Variants in FBN1 observed in about 807,000 individuals in gnomAD.
The protein encoded by FBN1 is fibrillin-1.
A neutral mutation model predicts 365.1 loss-of-function variants in FBN1; 29 were observed. The observed-to-expected ratio is 0.08, with a 90% confidence interval of 0.06 to 0.11. The LOEUF is 0.11. Among genes scored for constraint, FBN1 ranks in the 10% least tolerant of loss-of-function variants. The pLI is 1.00. For missense variants in FBN1, 2,476 were observed against 3,703.2 expected, an observed-to-expected ratio of 0.67 and a Z score of 8.60; for synonymous variants, 1,210 against 1,270.5, an observed-to-expected ratio of 0.95 and a Z score of 1.01.
chr15:48,575,768 C>T (rs931639760), intron 6 of FBN1, among the ~76,000 whole-genome samples: 21 of 150,252 alleles, frequency 1.4e-4, no homozygotes, highest in Non-Finnish European at 2.5e-4. Flanking sequence ...CATAAGGATT[C>T]ATCAATGGAG....
intron 65 of FBN1, among the ~76,000 whole-genome samples, chr15:48,412,143 T>C (rs2042868391): frequency 6.6e-6 from 1 of 152,216 alleles, no homozygotes; most frequent in South Asian, 2.1e-4. Flanking sequence ...CACGTTATTT[T>C]TGTCTACAAT....
intron 4 of FBN1, among the ~76,000 whole-genome samples, chr15:48,608,402 A>G (rs1210247572): frequency 6.6e-6 from 1 of 152,240 alleles, no homozygotes. Flanking sequence ...TCCTTCTATT[A>G]GCAGGAAAGT....
chr15:48,497,534 C>CT, intron 18 of FBN1, 143 bp from the exon 19 acceptor site: 1 of 762,576 alleles, frequency 1.3e-6, no homozygotes, highest in East Asian at 2.7e-5. Context: ...AGAGAACACT[C>CT]TGTCTCTTTT....
intron 1 of FBN1, among the ~76,000 whole-genome samples, chr15:48,645,374 C>G (rs1475638634): frequency 1.3e-5 from 2 of 152,238 alleles, no homozygotes; most frequent in Non-Finnish European, 2.9e-5. Context: ...GAACATCTGA[C>G]GCGGAGCCCG....
chr15:48,511,290 C>CT (rs1348033484), intron 13 of FBN1, among the ~76,000 whole-genome samples: 1 of 152,094 alleles, frequency 6.6e-6, no homozygotes, highest in African/African-American at 2.4e-5. Flanking sequence ...GCAGTCTGGG[C>CT]TTTTCTTCTG....
chr15:48,603,424 G>T (rs1224794991), intron 4 of FBN1, among the ~76,000 whole-genome samples: 3 of 152,186 alleles, frequency 2.0e-5, no homozygotes, highest in Non-Finnish European at 4.4e-5. Context: ...TTCCGATAAA[G>T]GTGGGAGCAG....
intron 35 of FBN1, among the ~76,000 whole-genome samples, chr15:48,471,650 C>T (rs1457830745): frequency 6.6e-6 from 1 of 152,160 alleles, no homozygotes; most frequent in Admixed American, 6.5e-5. Context: ...CATAAAAATA[C>T]ATGAGGGAAT....
At chr15:48,507,803 G>A (rs1169577487) in intron 15 of FBN1, among the ~76,000 whole-genome samples, 2 of 152,118 alleles carry the variant, frequency 1.3e-5, no homozygotes, top group Admixed American at 1.3e-4. Context: ...CTTTGAGTAT[G>A]AGGTTCTTTA....
chr15:48,535,939 T>C (rs1177023643), intron 7 of FBN1, among the ~76,000 whole-genome samples: 1 of 152,212 alleles, frequency 6.6e-6, no homozygotes, highest in Non-Finnish European at 1.5e-5. Flanking sequence ...TGATCATGAT[T>C]TCTGGCCAAC....
Position 48,520,670 on chromosome 15 carries a change from A to C in FBN1, c.1136T>G (p.Ile379Ser), listed in dbSNP as rs1487878928. ...GGAAGGGCTCTTACCGGTTGCTCTG[A>C]TGGGACACATCTCAGGGGCGACAGT... ...GVTVAPEMCP[I>S]RATEDFNKLC... is the part of the protein sequence containing the mutation. Residue 379 changes from isoleucine (I) to serine (S), a missense_variant, in exon 10 of 66, where the codon ATC becomes AGC. Physicochemically the swap from Ile to Ser is moderately radical, Grantham distance 142. Coordinates refer to ENST00000316623, the MANE Select transcript of FBN1 (RefSeq NM_000138.5). The C allele has an allele frequency of 6.2e-7, 1 of 1,613,972 alleles. No individual in the cohort carries two copies. The highest frequency in any genetic ancestry group is 8.5e-7 in the Non-Finnish European group (1 of 1,180,020).
intron 6 of FBN1, among the ~76,000 whole-genome samples, chr15:48,558,369 G>T (rs1300200263): frequency 6.6e-6 from 1 of 152,156 alleles, no homozygotes; most frequent in African/African-American, 2.4e-5. Flanking sequence ...AGGAGAGAGG[G>T]TTTAAATTAT....
Position 48,421,605 on chromosome 15 carries a change from T to G in FBN1, c.7652A>C (p.Glu2551Ala), listed in dbSNP as rs1479746316. ...CQNTPGSFTC[E>A]CQRGFSLDQT... Reference sequence around the variant, plus strand: ...ATCAAGTGAGAATCCCCGCTGGCATTCACAGGTGAAGCTTCCAGGAGTGTT... The same window carrying G: ...ATCAAGTGAGAATCCCCGCTGGCATGCACAGGTGAAGCTTCCAGGAGTGTT... The change falls in exon 62 of 66, where the codon GAA becomes GCA. Residue 2551 changes from glutamate to alanine, a missense_variant. By Grantham distance (107) the Glu-to-Ala change is moderately radical. Around this residue, in one of 5 missense-constraint regions of FBN1, gnomAD observed 1,780 missense variants for 2,840.8 expected, o/e 0.63. Transcript: ENST00000316623. The G allele has an allele frequency of 6.2e-7, 1 of 1,613,888 alleles. No homozygotes were observed. The highest frequency in any genetic ancestry group is 1.1e-5 in the South Asian group (1 of 90,946).
At chr15:48,571,882 T>C (rs1566929537) in intron 6 of FBN1, among the ~76,000 whole-genome samples, 1 of 152,080 alleles carries the variant, frequency 6.6e-6, no homozygotes, top group Non-Finnish European at 1.5e-5. Context: ...AAACACAGGG[T>C]TATATAGTAT....
At chr15:48,503,664 C>T in intron 17 of FBN1, 123 bp downstream of exon 17, 1 of 1,303,806 alleles carries the variant, frequency 7.7e-7, no homozygotes. Flanking sequence ...GCCAAGACCC[C>T]AAGAAGGCAC....
At chr15:48,640,175 G>A (rs1249622274) in intron 2 of FBN1, among the ~76,000 whole-genome samples, 1 of 151,980 alleles carries the variant, frequency 6.6e-6, no homozygotes, top group Non-Finnish European at 1.5e-5. Flanking sequence ...TAATTAATTT[G>A]TATTACCAAC....
At chr15:48,545,160 C>T in intron 6 of FBN1, among the ~76,000 whole-genome samples, 1 of 152,174 alleles carries the variant, frequency 6.6e-6, no homozygotes. Context: ...AAAATATTCT[C>T]TCCAATCCAA....
rs192921367 is a variant in FBN1 at position 48,558,137 on chromosome 15, T to G, written c.539-20329A>C. On this transcript the variant is annotated intron_variant, in intron 6 of 65. Transcript: ENST00000316623. Reference sequence around the variant, plus strand: ...CCCTATTTGAGGTCTCCTTGTTCCATATAAACTGTTAAATCTTTGATCCTA... The same window carrying G: ...CCCTATTTGAGGTCTCCTTGTTCCAGATAAACTGTTAAATCTTTGATCCTA... 2.0e-5 allele frequency among the ~76,000 whole-genome samples: 3 copies of G among 152,356 alleles called. No individual in the cohort carries two copies. The East Asian group carries it at 5.8e-4, about 29-fold the overall frequency.
chr15:48,630,890 C>CA (rs1446149077), intron 2 of FBN1, among the ~76,000 whole-genome samples: 1 of 152,104 alleles, frequency 6.6e-6, no homozygotes, highest in African/African-American at 2.4e-5. Context: ...TTTTCAATGG[C>CA]AAATAGAAAA....
intron 9 of FBN1, 25 bp downstream of exon 9, chr15:48,526,105 G>A: frequency 1.9e-6 from 3 of 1,613,590 alleles, no homozygotes; most frequent in South Asian, 1.1e-5. Context: ...CACAAACCAT[G>A]CATGCTGTTT....
Sources: gnomAD v4.1 joint callset for allele counts (sites outside exome capture counted in the v4.1 genomes callset) on GRCh38, gnomAD v4.1.1 for gene constraint, gnomAD v4.1.1 regional missense constraint, MANE v1.5 for transcripts, NCBI Gene and HGNC (gene_info 2026-07-23, HGNC 2026-07-21) for gene names.